Variants in GPC4 observed in about 807,000 individuals in gnomAD.
GPC4 encodes the protein glypican-4.
A neutral mutation model predicts 35.0 loss-of-function variants in GPC4; 10 were observed. That is an observed-to-expected ratio of 0.29 (90% CI 0.18 to 0.48). The LOEUF is 0.48. Among genes scored for constraint, GPC4 ranks in the 20% least tolerant of loss-of-function variants. GPC4 has a pLI of 0.99. For synonymous variants in GPC4, 167 were observed against 170.2 expected (o/e 0.98, Z 0.15); for missense variants, 322 against 451.3 (o/e 0.71, Z 2.60).
chrX:133,401,916 T>G (rs2068768954), intron 1 of GPC4, among the ~76,000 whole-genome samples: 1 of 112,495 alleles, frequency 8.9e-6, no homozygotes, highest in Non-Finnish European at 1.9e-5. Flanking sequence ...ACAGGTGATG[T>G]TTAAGGACCA....
intron 1 of GPC4, among the ~76,000 whole-genome samples, chrX:133,409,362 A>G (rs751207426): frequency 1.0e-5 from 1 of 99,794 alleles, no homozygotes; most frequent in East Asian, 3.3e-4. Flanking sequence ...AAAAGTGTTT[A>G]GATCCAAAAG....
At chrX:133,359,721 T>C (rs1208512100) in intron 1 of GPC4, among the ~76,000 whole-genome samples, 1 of 110,639 alleles carries the variant, frequency 9.0e-6, no homozygotes, top group Non-Finnish European at 1.9e-5. Flanking sequence ...GATCAAATAG[T>C]GGTAAACATG....
Position 133,414,905 on chromosome X carries a change from G to C in GPC4, c.61C>G (p.Leu21Val). Residue 21 changes from leucine (L) to valine (V), a missense_variant, in exon 1 of 9, where the codon CTG (leucine) becomes GTG (valine). Physicochemically the swap from Leu to Val is conservative, Grantham distance 32. Transcript: ENST00000370828. ...CTTTTCGACTTGAGCTCGGCAGCCA[G>C]CAGCGCGGCGCTGAGCACTGCCAGG... ...CTLAVLSAAL[L>V]AAELKSKSCS... The C allele has an allele frequency of 3.3e-6, 4 of 1,211,909 alleles. No individual in the cohort carries two copies. Among genetic ancestry groups the C allele is most frequent in the Non-Finnish European group, 4.5e-6 (4 of 895,454 alleles).
At chrX:133,412,522 G>C (rs1380332183) in intron 1 of GPC4, among the ~76,000 whole-genome samples, 1 of 111,816 alleles carries the variant, frequency 8.9e-6, no homozygotes, top group Non-Finnish European at 1.9e-5. Flanking sequence ...TTGTTCCTCA[G>C]GAGAATGCAG....
intron 1 of GPC4, 179 bp downstream of exon 1, chrX:133,414,627 G>T (rs1214885406): frequency 1.3e-6 from 1 of 752,767 alleles, no homozygotes; most frequent in Non-Finnish European, 1.6e-6. Context: ...CGCGGGGAAC[G>T]TCCTGCGCCC....
chrX:133,322,310 G>A (rs1325960308), intron 3 of GPC4, among the ~76,000 whole-genome samples: 3 of 111,031 alleles, frequency 2.7e-5, no homozygotes, highest in African/African-American at 6.6e-5. Context: ...TGAGTGTGGT[G>A]GCACATGCCT....
At position 133,324,548 on chromosome X, in the gene GPC4, A is replaced by G; in HGVS notation, c.320-12T>C. ...TTCTTTGAAGAATTCTGAAACCAAC[A>G]CCAAAAAAAAAAAAAAAAAAAGGAA... On this transcript the variant is annotated splice_polypyrimidine_tract_variant and intron_variant, in intron 2 of 8. Coordinates refer to ENST00000370828, the MANE Select transcript of GPC4 (RefSeq NM_001448.3). 2 of 850,684 alleles carry G rather than the reference A, an allele frequency of 2.4e-6. No individual in the cohort carries two copies. The highest frequency in any genetic ancestry group is 1.5e-6 in the Non-Finnish European group (1 of 676,488). The allele number at this position is 850,684 out of a possible 1,213,427, so 70.1% of individuals were successfully genotyped here.
chrX:133,414,700 T>G (rs2068830085), intron 1 of GPC4, 106 bp downstream of exon 1: 1 of 1,168,465 alleles, frequency 8.6e-7, no homozygotes, highest in Non-Finnish European at 1.1e-6. Context: ...CTCCCTCTAG[T>G]GTACCTGCGT....
chrX:133,344,171 A>C (rs772102126), intron 1 of GPC4, among the ~76,000 whole-genome samples: 20 of 37,527 alleles, frequency 5.3e-4, no homozygotes, highest in East Asian at 1.4e-3. Context: ...TTCTTTCTTT[A>C]TTTTCTTTCT....
intron 1 of GPC4, among the ~76,000 whole-genome samples, chrX:133,367,542 A>G (rs1464753805): frequency 8.9e-6 from 1 of 112,363 alleles, no homozygotes; most frequent in Non-Finnish European, 1.9e-5. Flanking sequence ...CCAAACCAGG[A>G]CACATGGGAG....
At chrX:133,404,902 C>G (rs1206386110) in intron 1 of GPC4, among the ~76,000 whole-genome samples, 1 of 105,662 alleles carries the variant, frequency 9.5e-6, no homozygotes, top group African/African-American at 3.6e-5. Context: ...ACCACAAGCT[C>G]TGAGGTGAAA....
chrX:133,333,232 G>C (rs1449129566), intron 2 of GPC4, among the ~76,000 whole-genome samples: 1 of 112,450 alleles, frequency 8.9e-6, no homozygotes, highest in Non-Finnish European at 1.9e-5. Flanking sequence ...AAAGAGCAAT[G>C]AACCAACAGA....
chrX:133,374,113 A>C (rs1165580145), intron 1 of GPC4, among the ~76,000 whole-genome samples: 2 of 111,572 alleles, frequency 1.8e-5, no homozygotes, highest in Non-Finnish European at 3.8e-5. Context: ...ATAGTATATG[A>C]ATTATATATC....
intron 1 of GPC4, among the ~76,000 whole-genome samples, chrX:133,353,439 T>C (rs925812828): frequency 8.9e-6 from 1 of 112,074 alleles, no homozygotes; most frequent in African/African-American, 3.2e-5. Flanking sequence ...AAATTGAAAG[T>C]ATCAGACAGC....
intron 1 of GPC4, among the ~76,000 whole-genome samples, chrX:133,410,796 C>T (rs995339192): frequency 8.0e-5 from 9 of 112,604 alleles, no homozygotes; most frequent in African/African-American, 2.9e-4. Context: ...GACTGAGCTG[C>T]ATAAGCCAGA....
At chrX:133,329,607 G>A (rs967572648) in intron 2 of GPC4, among the ~76,000 whole-genome samples, 4 of 111,070 alleles carry the variant, frequency 3.6e-5, no homozygotes, top group African/African-American at 1.3e-4. Context: ...CTTGAGAAGA[G>A]AGCTTACATT....
rs982315184 is a variant in GPC4, at chrX:133,415,139, G to A, written c.-174C>T. ...GAGGAGACGCGGGGCGAAAAGTAGA[G>A]CTGGGCCTCGCGTCAGGCAACGGTC... On this transcript the variant is annotated 5_prime_UTR_variant, in exon 1 of 9. Coordinates refer to ENST00000370828, the MANE Select transcript of GPC4 (RefSeq NM_001448.3). 2.2e-6 allele frequency: 1 copy of A among 462,060 alleles called. No homozygotes were observed. The highest frequency in any genetic ancestry group is 2.5e-5 in the African/African-American group (1 of 40,494). 38.1% of individuals were successfully genotyped at this position (462,060 alleles called of 1,213,427 possible). A position where few individuals can be genotyped will look rare whatever the true frequency, so the allele number is the denominator to read the frequency against.
chrX:133,347,558 T>C (rs1049916487), intron 1 of GPC4, among the ~76,000 whole-genome samples: 3 of 110,861 alleles, frequency 2.7e-5, no homozygotes, highest in Admixed American at 9.6e-5. Flanking sequence ...TCTAAATTCA[T>C]GTAGCCACAA....
chrX:133,310,438 A>G (rs907200370), intron 4 of GPC4, among the ~76,000 whole-genome samples: 22 of 111,554 alleles, frequency 2.0e-4, no homozygotes, highest in African/African-American at 6.8e-4. Context: ...ATTCTCCTTA[A>G]TTTGTCCTTT....
Sources: gnomAD v4.1 joint callset for allele counts (sites outside exome capture counted in the v4.1 genomes callset) on GRCh38, gnomAD v4.1.1 for gene constraint, MANE v1.5 for transcripts, NCBI Gene and HGNC (gene_info 2026-07-23, HGNC 2026-07-21) for gene names.